Variants in CBLB observed in about 807,000 individuals in gnomAD.
CBLB encodes the protein E3 ubiquitin-protein ligase CBL-B.
In CBLB, 31 loss-of-function variants were observed where a neutral mutation model predicts 104.9. The observed-to-expected ratio is 0.30, with a 90% CI of 0.22 to 0.40. The LOEUF (loss-of-function observed/expected upper bound fraction) is 0.40. Among genes scored for constraint, CBLB ranks in the 10% least tolerant of loss-of-function variants. The pLI is 1.00. For missense variants in CBLB, 1,062 were observed against 1,214.6 expected, an observed-to-expected ratio of 0.87 and a Z score of 1.87; for synonymous variants, 440 against 422.6, an observed-to-expected ratio of 1.04 and a Z score of -0.51.
chr3:105,725,549 T>A (rs2073482321), intron 9 of CBLB, among the ~76,000 whole-genome samples: 1 of 152,202 alleles, frequency 6.6e-6, no homozygotes, highest in African/African-American at 2.4e-5. Flanking sequence ...CTCATATCCA[T>A]CAGTTCCTTT....
chr3:105,671,235 C>T (rs2065029473), intron 17 of CBLB: 1 of 203,068 alleles, frequency 4.9e-6, no homozygotes, highest in African/African-American at 2.3e-5. Flanking sequence ...ATCTGAAAAC[C>T]TTGGTTCACT....
intron 9 of CBLB, among the ~76,000 whole-genome samples, chr3:105,721,159 G>C (rs566506228): frequency 1.3e-5 from 2 of 152,292 alleles, no homozygotes; most frequent in African/African-American, 4.8e-5. Context: ...TTATTTAAAA[G>C]TGGCAAAAAT....
At chr3:105,809,132 T>G (rs188345159) in intron 3 of CBLB, among the ~76,000 whole-genome samples, 1 of 152,038 alleles carries the variant, frequency 6.6e-6, no homozygotes, top group Non-Finnish European at 1.5e-5. Context: ...GAGAAACAGA[T>G]AGAAGCAGAC....
chr3:105,797,521 A>T lies in CBLB; in HGVS notation c.420-20979T>A, dbSNP rs545006400. ...TGCTTATTACCTGGGTGATGAAATAATCTGTACACCAAACCCCCATGACAT... is the reference window on the plus strand; with the variant it reads ...TGCTTATTACCTGGGTGATGAAATATTCTGTACACCAAACCCCCATGACAT... On this transcript the variant is annotated intron_variant, in intron 3 of 18. Transcript: ENST00000394030. 2.0e-5 allele frequency among the ~76,000 whole-genome samples: 3 copies of T among 152,282 alleles called. No homozygotes were observed. The East Asian group carries it at 5.8e-4, about 29-fold the overall frequency.
chr3:105,666,505 G>A (rs1230817972), intron 18 of CBLB, among the ~76,000 whole-genome samples: 2 of 152,046 alleles, frequency 1.3e-5, no homozygotes, highest in Admixed American at 1.3e-4. Context: ...GGCCAACATG[G>A]TGAAACCCCA....
chr3:105,804,534 T>A (rs538605889), intron 3 of CBLB, among the ~76,000 whole-genome samples: 118 of 149,828 alleles, frequency 7.9e-4, no homozygotes, highest in African/African-American at 2.3e-3. Context: ...AAAAAAAAAA[T>A]GTAAAATATC....
intron 3 of CBLB, among the ~76,000 whole-genome samples, chr3:105,825,834 T>C (rs1287636496): frequency 1.3e-5 from 2 of 152,334 alleles, no homozygotes; most frequent in East Asian, 3.9e-4. Context: ...CACAGACTAA[T>C]GTTAAGCATT....
intron 13 of CBLB, among the ~76,000 whole-genome samples, chr3:105,688,826 A>T (rs1215334819): frequency 1.3e-5 from 2 of 152,086 alleles, no homozygotes; most frequent in Admixed American, 1.3e-4. Context: ...ATCAAAAAAA[A>T]GTCTGTGTGG....
chr3:105,869,386 C>T (rs1482128947), upstream of CBLB: 1 of 1,341,830 alleles, frequency 7.5e-7, no homozygotes, highest in Non-Finnish European at 9.9e-7. Context: ...GAGCCAAAGC[C>T]ATCTGGGGCT....
intron 18 of CBLB, among the ~76,000 whole-genome samples, chr3:105,662,312 T>C (rs1414886082): frequency 2.6e-5 from 4 of 152,224 alleles, no homozygotes; most frequent in Non-Finnish European, 4.4e-5. Flanking sequence ...GAAATGAAGA[T>C]GAAACTATCT....
intron 3 of CBLB, among the ~76,000 whole-genome samples, chr3:105,787,813 T>A (rs1459103005): frequency 1.3e-5 from 2 of 152,184 alleles, no homozygotes; most frequent in Non-Finnish European, 2.9e-5. Context: ...ATTACTGACA[T>A]TTCTTTTTTT....
chr3:105,678,466 G>A lies in CBLB; in HGVS notation c.2534C>T (p.Pro845Leu), dbSNP rs1296244897. The A allele has an allele frequency of 6.2e-7, 1 of 1,613,924 alleles. No homozygotes were observed. The highest frequency in any genetic ancestry group is 8.5e-7 in the Non-Finnish European group (1 of 1,179,952). Reference sequence around the variant, plus strand: ...AAGAAAAAGATCCTGTCCTGAGGATGGCCGGCTACTGGAGCCAGGAGGTTT... The same window carrying A: ...AAGAAAAAGATCCTGTCCTGAGGATAGCCGGCTACTGGAGCCAGGAGGTTT... ...HSKPPGSSSRPSSGQDLFLLP... is the reference protein window; with the variant it reads ...HSKPPGSSSRLSSGQDLFLLP... The change falls in exon 17 of 19, where the codon CCA (proline) becomes CTA (leucine). Residue 845 changes from proline to leucine, a missense_variant. By Grantham distance (98) the Pro-to-Leu change is moderately conservative. This residue lies in a region of CBLB where 605 missense variants were observed against 582.6 expected (regional missense o/e 1.04). Transcript: ENST00000394030.
At chr3:105,720,774 T>A (rs1436924036) in intron 9 of CBLB, among the ~76,000 whole-genome samples, 1 of 152,186 alleles carries the variant, frequency 6.6e-6, no homozygotes, top group Non-Finnish European at 1.5e-5. Flanking sequence ...TTAGGAAAAA[T>A]TAAAATGTGT....
At chr3:105,674,888 A>C (rs544169635) in intron 17 of CBLB, among the ~76,000 whole-genome samples, 3 of 152,320 alleles carry the variant, frequency 2.0e-5, no homozygotes, top group South Asian at 2.1e-4. Flanking sequence ...AGATAAAAGA[A>C]GAATGAGAGC....
intron 11 of CBLB, among the ~76,000 whole-genome samples, chr3:105,703,466 T>C (rs1160714256): frequency 6.6e-6 from 1 of 152,198 alleles, no homozygotes; most frequent in Non-Finnish European, 1.5e-5. Context: ...ATGTCTTTAA[T>C]ATTAAACAGT....
At chr3:105,779,813 T>C (rs2079951156) in intron 3 of CBLB, among the ~76,000 whole-genome samples, 1 of 152,210 alleles carries the variant, frequency 6.6e-6, no homozygotes, top group African/African-American at 2.4e-5. Flanking sequence ...TGCTATGTAG[T>C]ATGTGCTTTC....
chr3:105,701,763 C>A (rs371994265), intron 12 of CBLB, among the ~76,000 whole-genome samples: 508 of 138,396 alleles, frequency 3.7e-3, no homozygotes, highest in Non-Finnish European at 3.9e-3. Flanking sequence ...GGCTTCGTCT[C>A]AAAAAAAAAA....
chr3:105,734,205 A>T, intron 8 of CBLB, 65 bp from the exon 9 acceptor site: 1 of 1,531,582 alleles, frequency 6.5e-7, no homozygotes, highest in Non-Finnish European at 9.0e-7. Context: ...GTTAGTATCA[A>T]ATTTTCCCAA....
intron 10 of CBLB, among the ~76,000 whole-genome samples, chr3:105,705,032 T>C (rs966854903): frequency 7.3e-6 from 1 of 136,472 alleles, no homozygotes; most frequent in Non-Finnish European, 1.7e-5. Context: ...TGTTCTAAAA[T>C]ACTGGGCAGT....
Sources: gnomAD v4.1 joint callset for allele counts (sites outside exome capture counted in the v4.1 genomes callset) on GRCh38, gnomAD v4.1.1 for gene constraint, gnomAD v4.1.1 regional missense constraint, MANE v1.5 for transcripts, NCBI Gene and HGNC (gene_info 2026-07-23, HGNC 2026-07-21) for gene names.